RBFOX1: variants seen among roughly 807,000 people sequenced by gnomAD.
The protein encoded by RBFOX1 is RNA binding protein fox-1 homolog 1.
In RBFOX1, 8 loss-of-function variants were observed where a neutral mutation model predicts 57.7. That is an observed-to-expected ratio of 0.14 (90% confidence interval 0.08 to 0.25). The LOEUF is 0.25. Among genes scored for constraint, RBFOX1 ranks in the 10% least tolerant of loss-of-function variants. RBFOX1 has a pLI of 1.00. For missense variants in RBFOX1, 611 were observed against 548.5 expected (o/e 1.11, Z -1.14); for synonymous variants, 326 against 222.4 (o/e 1.47, Z -4.15).
rs901514987 is a variant in RBFOX1, at chr16:7,187,611, C to T, written c.27+135513C>T. 1.3e-4 allele frequency among the ~76,000 whole-genome samples: 17 copies of T among 135,010 alleles called. 1 individual carries two copies. The South Asian group carries it at 4.2e-3, about 33-fold the overall frequency. The allele number at this position is 135,010 out of a possible 152,430, so 88.6% of individuals were successfully genotyped here. Reference sequence around the variant, plus strand: ...GGTTGAGGCAGGAGAATGGTGTGAACCCGGGAGGCAGAGCTTGCAGTGAGC... The same window carrying T: ...GGTTGAGGCAGGAGAATGGTGTGAATCCGGGAGGCAGAGCTTGCAGTGAGC... On this transcript the variant is annotated intron_variant, in intron 4 of 15. Coordinates refer to ENST00000550418, the MANE Select transcript of RBFOX1 (RefSeq NM_018723.4).
chr16:7,548,804 T>C (rs2085407112), intron 5 of RBFOX1, among the ~76,000 whole-genome samples: 1 of 152,210 alleles, frequency 6.6e-6, no homozygotes, highest in Non-Finnish European at 1.5e-5. Context: ...GGCTACTGAC[T>C]GGTAGAAATC....
intron 1 of RBFOX1, among the ~76,000 whole-genome samples, chr16:6,049,670 G>A (rs1381157090): frequency 1.3e-5 from 2 of 152,026 alleles, no homozygotes; most frequent in Non-Finnish European, 2.9e-5. Context: ...TTTCAAAAAT[G>A]TCATTGTTTT....
rs528827155 is a variant in RBFOX1, at chr16:5,837,755, T to C, written c.319-29548T>C. Among the ~76,000 whole-genome samples the C allele has an allele frequency of 3.9e-3, 594 of 152,260 alleles. 4 individuals carry two copies. The highest frequency in any genetic ancestry group is 0.027 in the Middle Eastern group (8 of 294). ...ATTGCAGACCATCAGTAATTATTTA[T>C]ATAACGTTGGCTTTCCCAACCAGAC... On this transcript the variant is annotated intron_variant, in intron 3 of 19. Transcript: ENST00000641259.
chr16:6,936,933 G>A (rs986715430), intron 3 of RBFOX1, among the ~76,000 whole-genome samples: 12 of 122,642 alleles, frequency 9.8e-5, no homozygotes, highest in African/African-American at 3.0e-4. Context: ...GATCTCATTG[G>A]GACTGTTGTG....
chr16:6,935,975 C>A (rs1597706461), intron 3 of RBFOX1, among the ~76,000 whole-genome samples: 2 of 152,164 alleles, frequency 1.3e-5, no homozygotes, highest in African/African-American at 2.4e-5. Flanking sequence ...TACACTCAGG[C>A]AGTGATTGCA....
At chr16:6,816,746 A>T (rs960979367) in intron 3 of RBFOX1, among the ~76,000 whole-genome samples, 20 of 151,688 alleles carry the variant, frequency 1.3e-4, no homozygotes, top group Non-Finnish European at 2.5e-4. Flanking sequence ...TCAAAAAAAA[A>T]AAAAAAAGGA....
chr16:6,548,241 T>C (rs1362418653), intron 2 of RBFOX1, among the ~76,000 whole-genome samples: 1 of 152,188 alleles, frequency 6.6e-6, no homozygotes, highest in African/African-American at 2.4e-5. Flanking sequence ...TTGTTTTGTT[T>C]TGCTAGATGT....
chr16:5,428,456 G>A (rs1435595111), intron 1 of RBFOX1, among the ~76,000 whole-genome samples: 1 of 152,164 alleles, frequency 6.6e-6, no homozygotes, highest in Non-Finnish European at 1.5e-5. Flanking sequence ...AACCCCTGGG[G>A]AATTGCAGTG....
rs552480762 is a variant in RBFOX1 at position 6,983,881 on chromosome 16, C to G, written c.-15-68176C>G. The stretch of plus-strand genomic sequence containing the variant: ...GCCAAGTGGAGAGAGTGCTCTTGGA[C>G]AAGGTGTTGTGTGACTCTTAGCATG... On this transcript the variant is annotated intron_variant, in intron 3 of 15. Transcript: ENST00000550418. 3.9e-5 allele frequency: 6 copies of G among 152,446 alleles called. No homozygotes were observed. The East Asian group carries it at 1.2e-3, about 30-fold the overall frequency. 9.4% of individuals were successfully genotyped at this position (152,446 alleles called of 1,614,324 possible).
chr16:7,686,785 C>G (rs944261133), intron 14 of RBFOX1, among the ~76,000 whole-genome samples: 1 of 152,068 alleles, frequency 6.6e-6, no homozygotes, highest in African/African-American at 2.4e-5. Flanking sequence ...ACGGTTGGTT[C>G]TCTTTCACCT....
intron 1 of RBFOX1, among the ~76,000 whole-genome samples, chr16:6,194,290 C>A (rs748577654): frequency 6.6e-6 from 1 of 152,122 alleles, no homozygotes; most frequent in African/African-American, 2.4e-5. Flanking sequence ...GACCAGTTCA[C>A]CTCTCACCCA....
At chr16:7,323,762 T>C (rs2096575532) in intron 4 of RBFOX1, among the ~76,000 whole-genome samples, 1 of 152,188 alleles carries the variant, frequency 6.6e-6, no homozygotes, top group African/African-American at 2.4e-5. Context: ...GAATAAGTGG[T>C]AGTGACTCTG....
intron 1 of RBFOX1, among the ~76,000 whole-genome samples, chr16:6,192,341 G>C (rs901252777): frequency 2.6e-5 from 4 of 152,046 alleles, no homozygotes; most frequent in East Asian, 1.9e-4. Context: ...AGATGGGCTT[G>C]GCATTTTGTC....
At chr16:6,991,492 C>G (rs1596318476) in intron 3 of RBFOX1, among the ~76,000 whole-genome samples, 1 of 152,216 alleles carries the variant, frequency 6.6e-6, no homozygotes. Flanking sequence ...AAAATGAATT[C>G]CCATGTGATT....
At chr16:7,499,966 A>G (rs142779183) in intron 4 of RBFOX1, among the ~76,000 whole-genome samples, 23 of 152,012 alleles carry the variant, frequency 1.5e-4, no homozygotes, top group African/African-American at 5.3e-4. Context: ...CATCTTCCAT[A>G]TTTCCAAAAA....
At chr16:7,239,206 G>T (rs112161628) in intron 4 of RBFOX1, among the ~76,000 whole-genome samples, 2 of 152,206 alleles carry the variant, frequency 1.3e-5, no homozygotes, top group African/African-American at 4.8e-5. Flanking sequence ...GGTACTGTGG[G>T]TGCCAGGATG....
chr16:6,271,409 C>G (rs1252498126), intron 1 of RBFOX1, among the ~76,000 whole-genome samples: 1 of 151,876 alleles, frequency 6.6e-6, no homozygotes, highest in Non-Finnish European at 1.5e-5. Flanking sequence ...AGCGACAGAG[C>G]AAGACCCTGT....
chr16:7,264,538 G>C (rs4390611), intron 4 of RBFOX1, among the ~76,000 whole-genome samples: 96,478 of 151,766 alleles, frequency 0.64, 31,347 homozygotes, highest in African/African-American at 0.74. Flanking sequence ...TCTGCCACAA[G>C]TATTGAAATC....
At chr16:5,347,668 C>T (rs574212171) in intron 1 of RBFOX1, among the ~76,000 whole-genome samples, 3 of 149,994 alleles carry the variant, frequency 2.0e-5, no homozygotes, top group African/African-American at 7.4e-5. Flanking sequence ...ATCCACCCAC[C>T]CTTTCACTCA....
Sources: allele counts gnomAD v4.1 joint callset (sites outside exome capture counted in the v4.1 genomes callset), GRCh38; gene constraint gnomAD v4.1.1; transcripts MANE v1.5; gene names NCBI Gene and HGNC (gene_info 2026-07-23, HGNC 2026-07-21).